Variants in NMNAT1 observed in about 807,000 individuals in gnomAD.
NMNAT1 encodes nicotinamide nucleotide adenylyltransferase 1.
Under a neutral mutation model 16.7 loss-of-function variants are expected in NMNAT1, and 11 were observed. The ratio of observed to expected loss-of-function variants is 0.66; its 90% CI spans 0.41 to 1.09. The LOEUF is 1.09. Among genes scored for constraint, NMNAT1 ranks in the 50% least tolerant of loss-of-function variants. The pLI is 0.00. For synonymous variants in NMNAT1, 110 were observed against 119.8 expected (o/e 0.92, Z 0.53); for missense variants, 280 against 332.3 (o/e 0.84, Z 1.22).
intron 1 of NMNAT1, among the ~76,000 whole-genome samples, chr1:9,961,766 C>T (rs1452138354): frequency 6.6e-6 from 1 of 152,018 alleles, no homozygotes; most frequent in Non-Finnish European, 1.5e-5. Context: ...TTCGAGAAGG[C>T]CCCAAGTATA....
intron 1 of NMNAT1, among the ~76,000 whole-genome samples, chr1:9,970,677 AG>A (rs1641668621): frequency 6.6e-6 from 1 of 151,330 alleles, no homozygotes; most frequent in Non-Finnish European, 1.5e-5. Context: ...CAACAGAGTG[AG>A]ACTCCCGTCT....
chr1:9,980,325 G>A (rs1424398976), intron 3 of NMNAT1, among the ~76,000 whole-genome samples: 2 of 151,840 alleles, frequency 1.3e-5, no homozygotes, highest in Non-Finnish European at 2.9e-5. Flanking sequence ...TCAGTGTAAT[G>A]TGTGGCATAT....
chr1:9,963,605 C>G (rs2101673348), intron 1 of NMNAT1, among the ~76,000 whole-genome samples: 1 of 152,044 alleles, frequency 6.6e-6, no homozygotes, highest in East Asian at 1.9e-4. Context: ...GAGACGGTTT[C>G]ACCATGTTGG....
At chr1:9,970,891 G>T (rs950234718) in intron 1 of NMNAT1, among the ~76,000 whole-genome samples, 2 of 152,118 alleles carry the variant, frequency 1.3e-5, no homozygotes, top group East Asian at 1.9e-4. Flanking sequence ...TGATAATATT[G>T]TTGTATTAAT....
chr1:9,948,227 A>T (rs1207562115), intron 1 of NMNAT1, among the ~76,000 whole-genome samples: 1 of 151,912 alleles, frequency 6.6e-6, no homozygotes, highest in Non-Finnish European at 1.5e-5. Flanking sequence ...ACTTTGGGAG[A>T]TTTTATACTG....
At chr1:9,981,763 C>G (rs1337280431) in intron 4 of NMNAT1, 1 of 153,528 alleles carries the variant, frequency 6.5e-6, no homozygotes. Context: ...GCACTTGGAG[C>G]TTATTTCTCC....
At chr1:9,992,249 G>GT in the NMNAT1 span, among the ~76,000 whole-genome samples, 10 of 151,820 alleles carry the variant, frequency 6.6e-5, no homozygotes, top group Admixed American at 2.0e-4. Flanking sequence ...CACCCAGCTA[G>GT]TTTTTTTATT....
chr1:9,954,916 C>T (rs1433725937), intron 1 of NMNAT1, among the ~76,000 whole-genome samples: 19 of 138,208 alleles, frequency 1.4e-4, no homozygotes, highest in Middle Eastern at 3.6e-3. Context: ...GGCAACAGAG[C>T]AAGACTCCAT....
intron 4 of NMNAT1, among the ~76,000 whole-genome samples, chr1:9,981,998 G>T (rs1179738404): frequency 2.0e-5 from 3 of 152,076 alleles, no homozygotes; most frequent in Non-Finnish European, 4.4e-5. Flanking sequence ...CAAGTATCTG[G>T]GGTTACAGGC....
intron 2 of NMNAT1, among the ~76,000 whole-genome samples, chr1:9,974,066 G>C (rs1164277139): frequency 2.6e-5 from 4 of 152,092 alleles, no homozygotes; most frequent in Non-Finnish European, 5.9e-5. Flanking sequence ...TTGAACTCCT[G>C]TTCTCAAGTG....
intron 1 of NMNAT1, among the ~76,000 whole-genome samples, chr1:9,961,931 G>A (rs1449901203): frequency 6.6e-6 from 1 of 151,918 alleles, no homozygotes; most frequent in Non-Finnish European, 1.5e-5. Flanking sequence ...ACCATACCTG[G>A]CTAATTTTGT....
At chr1:9,958,034 G>A (rs1641306748) in intron 1 of NMNAT1, among the ~76,000 whole-genome samples, 1 of 152,128 alleles carries the variant, frequency 6.6e-6, no homozygotes, top group Non-Finnish European at 1.5e-5. Context: ...AGAAGTAAGT[G>A]TGGATTAAAA....
intron 1 of NMNAT1, among the ~76,000 whole-genome samples, chr1:9,946,120 A>C (rs1460125485): frequency 6.6e-6 from 1 of 152,184 alleles, no homozygotes; most frequent in Non-Finnish European, 1.5e-5. Flanking sequence ...TAGCGTGTGC[A>C]GTCTTCGAAG....
Position 9,973,446 on chromosome 1 carries a change from T to TA in NMNAT1, c.115+1258_115+1259insA, listed in dbSNP as rs1361914495. 3.3e-5 allele frequency among the ~76,000 whole-genome samples: 5 copies of TA among 150,080 alleles called. No individual in the cohort carries two copies. The East Asian group carries it at 8.1e-4, about 24-fold the overall frequency. On this transcript the variant is annotated intron_variant, in intron 2 of 4. Transcript: ENST00000377205. The stretch of plus-strand genomic sequence containing the variant: ...CATGAGGCTGGGCGTGGTGGCTTAC[T>TA]CCTGGAATCCCAGCACTTTGGGAGG...
intron 2 of NMNAT1, among the ~76,000 whole-genome samples, chr1:9,974,777 G>T (rs1641769787): frequency 6.6e-6 from 1 of 151,744 alleles, no homozygotes; most frequent in Admixed American, 6.6e-5. Flanking sequence ...TCCTGCCTTG[G>T]TCTCCCAAAA....
intron 3 of NMNAT1, among the ~76,000 whole-genome samples, chr1:9,980,033 G>A (rs1172708235): frequency 6.6e-6 from 1 of 151,392 alleles, no homozygotes; most frequent in Non-Finnish European, 1.5e-5. Context: ...CTGGGTTCAA[G>A]CGATTCTCCT....
chr1:9,957,942 G>A (rs747156731), intron 1 of NMNAT1, among the ~76,000 whole-genome samples: 5 of 152,142 alleles, frequency 3.3e-5, no homozygotes. Context: ...ACGCTAGACC[G>A]TTGGGACTGG....
chr1:9,968,396 G>T (rs925088302), intron 1 of NMNAT1, among the ~76,000 whole-genome samples: 1 of 150,954 alleles, frequency 6.6e-6, no homozygotes, highest in Non-Finnish European at 1.5e-5. Flanking sequence ...CTATGTCTTG[G>T]ATCTGTATTG....
chr1:9,968,770 C>CAAAA (rs35088826), intron 1 of NMNAT1, among the ~76,000 whole-genome samples: 2 of 79,190 alleles, frequency 2.5e-5, no homozygotes, highest in Non-Finnish European at 4.7e-5. Flanking sequence ...GACTCTGTCT[C>CAAAA]AAAAAAAAAA....
Sources: allele counts gnomAD v4.1 joint callset (sites outside exome capture counted in the v4.1 genomes callset), GRCh38; gene constraint gnomAD v4.1.1; transcripts MANE v1.5; gene names NCBI Gene and HGNC (gene_info 2026-07-23, HGNC 2026-07-21).